IMMP2L: variants seen among roughly 807,000 people sequenced by gnomAD.
IMMP2L encodes inner mitochondrial membrane peptidase subunit 2.
In IMMP2L, 18 loss-of-function variants were observed where a neutral mutation model predicts 19.3. The observed-to-expected ratio is 0.93, with a 90% CI of 0.64 to 1.38. The LOEUF (loss-of-function observed/expected upper bound fraction) is 1.38. Among genes scored for constraint, IMMP2L ranks in the 40% most tolerant of loss-of-function variants. The probability of loss-of-function intolerance (pLI) is 0.00; values close to 1 mark genes in which losing one functional copy is unlikely to be tolerated. For synonymous variants in IMMP2L, 76 were observed against 73.0 expected (o/e 1.04, Z -0.21); for missense variants, 233 against 218.2 (o/e 1.07, Z -0.43).
chr7:111,076,745 A>C (rs925457808), intron 3 of IMMP2L, among the ~76,000 whole-genome samples: 1 of 152,180 alleles, frequency 6.6e-6, no homozygotes, highest in African/African-American at 2.4e-5. Flanking sequence ...ATATTTTACC[A>C]GAGATGGGGG....
chr7:111,515,587 T>A (rs183056869), intron 2 of IMMP2L, among the ~76,000 whole-genome samples: 1 of 152,192 alleles, frequency 6.6e-6, no homozygotes, highest in African/African-American at 2.4e-5. Context: ...TCTGAGAATT[T>A]CCCTTGCTTC....
intron 3 of IMMP2L, among the ~76,000 whole-genome samples, chr7:111,278,123 C>T (rs1819302290): frequency 1.3e-5 from 2 of 152,034 alleles, no homozygotes; most frequent in African/African-American, 4.8e-5. Flanking sequence ...CTGTTGAGTA[C>T]AATACTCAAT....
At chr7:110,815,730 C>G (rs1471249024) in intron 5 of IMMP2L, among the ~76,000 whole-genome samples, 1 of 152,110 alleles carries the variant, frequency 6.6e-6, no homozygotes, top group Non-Finnish European at 1.5e-5. Flanking sequence ...TCCATTTCTT[C>G]TAGATTTTCT....
chr7:110,885,230 AT>A (rs1810097339), intron 5 of IMMP2L, among the ~76,000 whole-genome samples: 1 of 151,940 alleles, frequency 6.6e-6, no homozygotes, highest in Non-Finnish European at 1.5e-5. Context: ...AGCATATCTA[AT>A]CCCAAAATTT....
intron 3 of IMMP2L, among the ~76,000 whole-genome samples, chr7:111,284,268 A>C (rs1471483539): frequency 2.0e-5 from 3 of 152,186 alleles, no homozygotes; most frequent in African/African-American, 7.2e-5. Context: ...AAATTCAGTT[A>C]GCCTTGCTGA....
At position 110,765,837 on chromosome 7, in the gene IMMP2L, G is replaced by A. The variant is rs578172828; in HGVS notation, c.409-102116C>T. On this transcript the variant is annotated intron_variant, in intron 5 of 5. Transcript: ENST00000405709. ...TATTTATTAAATAGAAATTTAACAC[G>A]TCTTTTTTAAAGTAGGCTAGTATTT... Among the ~76,000 whole-genome samples, 8 of 152,040 alleles carry A rather than the reference G, an allele frequency of 5.3e-5. No individual in the cohort carries two copies. In the South Asian group the frequency reaches 1.0e-3, roughly 20 times the overall value.
intron 3 of IMMP2L, among the ~76,000 whole-genome samples, chr7:111,378,246 A>G (rs1026715356): frequency 1.3e-5 from 2 of 152,010 alleles, no homozygotes; most frequent in Non-Finnish European, 2.9e-5. Flanking sequence ...ATTCAATTCA[A>G]TTTTATTAAA....
intron 3 of IMMP2L, among the ~76,000 whole-genome samples, chr7:111,159,534 G>A (rs1011277754): frequency 3.9e-5 from 6 of 151,992 alleles, no homozygotes; most frequent in Non-Finnish European, 8.8e-5. Flanking sequence ...AAAACACTCA[G>A]CCAGCAAAAA....
intron 3 of IMMP2L, among the ~76,000 whole-genome samples, chr7:111,436,604 A>G (rs1837197636): frequency 6.6e-6 from 1 of 151,864 alleles, no homozygotes; most frequent in African/African-American, 2.4e-5. Context: ...AAAATAAAGT[A>G]ACCCAAAAAT....
chr7:111,396,151 T>C (rs1213895041), intron 3 of IMMP2L, among the ~76,000 whole-genome samples: 1 of 152,122 alleles, frequency 6.6e-6, no homozygotes, highest in East Asian at 1.9e-4. Flanking sequence ...CAAAGGATTA[T>C]AAATCATTTT....
At chr7:111,446,932 C>A (rs372481049) in intron 3 of IMMP2L, among the ~76,000 whole-genome samples, 14 of 139,904 alleles carry the variant, frequency 1.0e-4, no homozygotes, top group Non-Finnish European at 2.0e-4. Context: ...GGAGCCGATG[C>A]GATCAACTGG....
At chr7:110,884,270 A>G (rs1046356825) in intron 5 of IMMP2L, among the ~76,000 whole-genome samples, 6 of 152,008 alleles carry the variant, frequency 3.9e-5, no homozygotes, top group African/African-American at 1.4e-4. Context: ...GTTGTAAAGG[A>G]AAAGACACTA....
chr7:110,860,251 A>T (rs1464222481), intron 5 of IMMP2L, among the ~76,000 whole-genome samples: 1 of 152,048 alleles, frequency 6.6e-6, no homozygotes, highest in East Asian at 1.9e-4. Flanking sequence ...TAAATAGCAA[A>T]TTTTTCATTT....
rs371811450 is a variant in IMMP2L, at chr7:110,779,465, C to A, written c.408+107128G>T. Reference sequence around the variant, plus strand: ...ATGGAGGTTTAGTTATCGAGAAAAACATGACTTGAACTGAGGTCTGGCAGG... The same window carrying A: ...ATGGAGGTTTAGTTATCGAGAAAAAAATGACTTGAACTGAGGTCTGGCAGG... On this transcript the variant is annotated intron_variant, in intron 5 of 5. Coordinates refer to ENST00000405709, the MANE Select transcript of IMMP2L (RefSeq NM_032549.4). Among the ~76,000 whole-genome samples the A allele has an allele frequency of 3.7e-4, 56 of 152,012 alleles. 1 individual carries two copies. The East Asian group carries it at 9.5e-3, about 26-fold the overall frequency.
intron 3 of IMMP2L, among the ~76,000 whole-genome samples, chr7:111,388,101 G>A (rs892895388): frequency 2.7e-5 from 4 of 150,392 alleles, no homozygotes; most frequent in Non-Finnish European, 4.4e-5. Context: ...AGTCCACACA[G>A]CCCTTTATAT....
chr7:111,132,939 C>G (rs1191670289), intron 3 of IMMP2L, among the ~76,000 whole-genome samples: 2 of 151,992 alleles, frequency 1.3e-5, no homozygotes, highest in South Asian at 4.1e-4. Flanking sequence ...CAGTATTCAA[C>G]GAGTACTAAA....
At chr7:111,376,159 A>C (rs1563117349) in intron 3 of IMMP2L, among the ~76,000 whole-genome samples, 1 of 152,138 alleles carries the variant, frequency 6.6e-6, no homozygotes, top group Non-Finnish European at 1.5e-5. Context: ...ACGCACACTC[A>C]AAATTATAAA....
intron 4 of IMMP2L, among the ~76,000 whole-genome samples, chr7:110,893,403 C>T (rs1415300562): frequency 6.6e-6 from 1 of 152,128 alleles, no homozygotes; most frequent in African/African-American, 2.4e-5. Flanking sequence ...TCTTTTATTT[C>T]TGGCTTCTTA....
intron 3 of IMMP2L, among the ~76,000 whole-genome samples, chr7:111,105,925 C>T (rs1377180503): frequency 1.3e-5 from 2 of 151,928 alleles, no homozygotes; most frequent in Admixed American, 1.3e-4. Context: ...CTACGCATGA[C>T]ACTCCCAGGA....
Sources: allele counts gnomAD v4.1 joint callset (sites outside exome capture counted in the v4.1 genomes callset), GRCh38; gene constraint gnomAD v4.1.1; transcripts MANE v1.5; gene names NCBI Gene and HGNC (gene_info 2026-07-23, HGNC 2026-07-21).